The following B4GALT5 variants were observed in gnomAD, a reference collection of about 807,000 sequenced individuals.
B4GALT5 encodes beta-1,4-galactosyltransferase 5.
In B4GALT5, 11 loss-of-function variants were observed where a neutral mutation model predicts 45.0. The observed-to-expected ratio is 0.24, with a 90% CI of 0.15 to 0.40. The LOEUF (loss-of-function observed/expected upper bound fraction) is 0.40. B4GALT5 is among the 10% of genes least tolerant of loss of function. The probability of loss-of-function intolerance (pLI) is 1.00; values close to 1 mark genes in which losing one functional copy is unlikely to be tolerated. For synonymous variants in B4GALT5, 185 were observed against 182.9 expected, an observed-to-expected ratio of 1.01 and a Z score of -0.09; for missense variants, 337 against 500.2, an observed-to-expected ratio of 0.67 and a Z score of 3.11.
intron 1 of B4GALT5, among the ~76,000 whole-genome samples, chr20:49,663,675 GA>G (rs869246702): frequency 0.022 from 67 of 3,008 alleles, 2 homozygotes; most frequent in African/African-American, 0.029. Context: ...TTCATCTCAA[GA>G]AAAAAAAAAA....
chr20:49,636,159 G>T lies in B4GALT5; in HGVS notation c.*153C>A, dbSNP rs574825157. The T allele has an allele frequency of 3.0e-6, 3 of 1,005,258 alleles. No homozygotes were observed. The highest frequency in any genetic ancestry group is 3.2e-5 in the African/African-American group (2 of 61,666). The allele number at this position is 1,005,258 out of a possible 1,614,324, so 62.3% of individuals were successfully genotyped here. On this transcript the variant is annotated 3_prime_UTR_variant, in exon 9 of 9. Transcript: ENST00000371711. ...TGATCCAGTGAAGGCGTTTGTGCGT[G>T]TGCTGTCACATTTTCCCCCTGAACT...
At chr20:49,666,931 T>C (rs1469505870) in intron 1 of B4GALT5, among the ~76,000 whole-genome samples, 1 of 152,224 alleles carries the variant, frequency 6.6e-6, no homozygotes, top group Non-Finnish European at 1.5e-5. Flanking sequence ...ATACAACTAA[T>C]AATGCATTTA....
intron 1 of B4GALT5, among the ~76,000 whole-genome samples, chr20:49,688,988 G>A (rs1026056141): frequency 1.3e-5 from 2 of 148,526 alleles, no homozygotes; most frequent in African/African-American, 5.0e-5. Flanking sequence ...GGGTAAGACA[G>A]AGCAAAAAAA....
intron 1 of B4GALT5, among the ~76,000 whole-genome samples, chr20:49,674,012 C>T (rs556663536): frequency 1.4e-5 from 2 of 140,742 alleles, no homozygotes; most frequent in Admixed American, 7.8e-5. Flanking sequence ...CCGAGGTGGG[C>T]GGATCACGAG....
chr20:49,685,571 C>G (rs554419376), intron 1 of B4GALT5, among the ~76,000 whole-genome samples: 20 of 152,236 alleles, frequency 1.3e-4, no homozygotes, highest in African/African-American at 4.1e-4. Flanking sequence ...CAGTGCTCAC[C>G]GGACAATCAT....
chr20:49,690,538 A>C (rs1193410696), intron 1 of B4GALT5, among the ~76,000 whole-genome samples: 3 of 151,582 alleles, frequency 2.0e-5, no homozygotes, highest in Non-Finnish European at 4.4e-5. Context: ...AACAACAGTG[A>C]AACTCTAACT....
chr20:49,682,965 G>A (rs1347945021), intron 1 of B4GALT5, among the ~76,000 whole-genome samples: 2 of 151,944 alleles, frequency 1.3e-5, no homozygotes, highest in African/African-American at 4.8e-5. Context: ...ATGGTGGTGT[G>A]CACCTGTAGT....
intron 1 of B4GALT5, among the ~76,000 whole-genome samples, chr20:49,676,263 G>A (rs2085736868): frequency 6.6e-6 from 1 of 152,098 alleles, no homozygotes; most frequent in South Asian, 2.1e-4. Flanking sequence ...AAATTTCACT[G>A]AAAATAAAAG....
chr20:49,665,339 A>G lies in B4GALT5; in HGVS notation c.116-8637T>C, dbSNP rs2085685185. ...CAAGGTAGAAGAATCCTTCGAGCTC[A>G]GGAGTTTGAGCTGCAGTGAGTTATG... On this transcript the variant is annotated intron_variant, in intron 1 of 8. Coordinates refer to ENST00000371711, the MANE Select transcript of B4GALT5 (RefSeq NM_004776.4). Among the ~76,000 whole-genome samples, 7 of 143,880 alleles carry G rather than the reference A, an allele frequency of 4.9e-5. No homozygotes were observed. The Admixed American group carries it at 5.1e-4, about 10-fold the overall frequency. 94.4% of individuals were successfully genotyped at this position (143,880 alleles called of 152,430 possible).
intron 1 of B4GALT5, among the ~76,000 whole-genome samples, chr20:49,707,083 G>A (rs950348629): frequency 2.6e-5 from 4 of 152,046 alleles, no homozygotes; most frequent in African/African-American, 7.2e-5. Context: ...ATCATCTGCC[G>A]GCTAGGTATC....
chr20:49,703,517 A>T (rs1354397085), intron 1 of B4GALT5, among the ~76,000 whole-genome samples: 1 of 152,166 alleles, frequency 6.6e-6, no homozygotes, highest in Non-Finnish European at 1.5e-5. Context: ...CTTCCCTCTC[A>T]TGACTATATA....
intron 1 of B4GALT5, among the ~76,000 whole-genome samples, chr20:49,713,149 C>A (rs1327252982): frequency 6.9e-6 from 1 of 145,440 alleles, no homozygotes; most frequent in African/African-American, 2.6e-5. Flanking sequence ...GAAGAGCGGG[C>A]GCGCCGCGGG....
chr20:49,647,193 A>G, intron 2 of B4GALT5, 115 bp from the exon 3 acceptor site: 1 of 648,518 alleles, frequency 1.5e-6, no homozygotes, highest in East Asian at 2.8e-5. Context: ...AGAAGGAGAC[A>G]GGACTCTGGA....
At chr20:49,658,605 T>C (rs1185045191) in intron 1 of B4GALT5, among the ~76,000 whole-genome samples, 1 of 152,188 alleles carries the variant, frequency 6.6e-6, no homozygotes, top group African/African-American at 2.4e-5. Flanking sequence ...CACAGTTGCT[T>C]AGCCCCTCCT....
At chr20:49,695,793 A>C (rs941436486) in intron 1 of B4GALT5, among the ~76,000 whole-genome samples, 1 of 152,128 alleles carries the variant, frequency 6.6e-6, no homozygotes, top group East Asian at 1.9e-4. Context: ...GCATGACATT[A>C]ATGATATTCC....
rs374474739 is a variant in B4GALT5 at position 49,647,077 on chromosome 20, A to G, written c.252T>C (p.Asp84=). 1.4e-4 allele frequency: 230 copies of G among 1,608,624 alleles called. No individual in the cohort carries two copies. The highest frequency in any genetic ancestry group is 1.9e-4 in the Non-Finnish European group (223 of 1,176,042). ...AKRNSSVNDS[D]YPLDLNHSET... is the part of the protein sequence containing the mutation. ...CACTGTGGTTCAAGTCAAGAGGATA[A>G]TCTAGGGAGGTAAAGGAAAAAAGTC... The change falls in exon 3 of 9, where the codon GAT becomes GAC. Residue 84 remains aspartate, a splice_region_variant and synonymous_variant. Transcript: ENST00000371711.
chr20:49,704,894 G>A (rs1176471114), intron 1 of B4GALT5, among the ~76,000 whole-genome samples: 1 of 152,082 alleles, frequency 6.6e-6, no homozygotes, highest in East Asian at 1.9e-4. Context: ...ACAATGAACA[G>A]GTTCGCTTCT....
chr20:49,684,966 T>C (rs1437042252), intron 1 of B4GALT5, among the ~76,000 whole-genome samples: 3 of 152,204 alleles, frequency 2.0e-5, no homozygotes, highest in African/African-American at 7.2e-5. Context: ...CAGTTTAGAG[T>C]AATTTTAGAA....
chr20:49,683,952 C>T (rs1277800560), intron 1 of B4GALT5, among the ~76,000 whole-genome samples: 1 of 150,916 alleles, frequency 6.6e-6, no homozygotes, highest in African/African-American at 2.4e-5. Flanking sequence ...ACCAGCCTGG[C>T]CAACATAGTA....
Sources: allele counts gnomAD v4.1 joint callset (sites outside exome capture counted in the v4.1 genomes callset), GRCh38; gene constraint gnomAD v4.1.1; transcripts MANE v1.5; gene names NCBI Gene and HGNC (gene_info 2026-07-23, HGNC 2026-07-21).